RAB6A: variants seen among roughly 807,000 people sequenced by gnomAD.
The protein encoded by RAB6A is RAB6A, member RAS oncogene family, also known as ras-related protein Rab-6A.
Under a neutral mutation model 32.3 loss-of-function variants are expected in RAB6A, and 8 were observed. The observed-to-expected ratio is 0.25, with a 90% CI of 0.15 to 0.45. The LOEUF (loss-of-function observed/expected upper bound fraction) is 0.45, where lower values mean the gene tolerates loss of function less well. Ranked by LOEUF, RAB6A falls within the 20% of genes least tolerant of loss-of-function variation. The pLI is 1.00. For synonymous variants in RAB6A, 73 were observed against 82.1 expected (o/e 0.89, Z 0.60); for missense variants, 104 against 249.4 (o/e 0.42, Z 3.93).
chr11:73,678,939 T>C (rs1945311874), intron 7 of RAB6A, among the ~76,000 whole-genome samples: 1 of 152,130 alleles, frequency 6.6e-6, no homozygotes, highest in African/African-American at 2.4e-5. Context: ...TTGGTCAGGC[T>C]GGTCTTGAAC....
chr11:73,739,284 A>AAAAAAAAAATATAT (rs1208877325), intron 1 of RAB6A, among the ~76,000 whole-genome samples: 2 of 6,756 alleles, frequency 3.0e-4, no homozygotes, highest in African/African-American at 6.5e-4. Context: ...AAAAAAAAAA[A>AAAAAAAAAATATAT]ATATATATAT....
chr11:73,721,064 G>T (rs1946127326), intron 2 of RAB6A, among the ~76,000 whole-genome samples, 165 bp from the exon 3 acceptor site: 1 of 152,162 alleles, frequency 6.6e-6, no homozygotes, highest in African/African-American at 2.4e-5. Context: ...CAGTGATAAT[G>T]ATTTTCATGT....
At chr11:73,724,120 G>A (rs1308698390) in intron 2 of RAB6A, among the ~76,000 whole-genome samples, 2 of 152,090 alleles carry the variant, frequency 1.3e-5, no homozygotes, top group Non-Finnish European at 2.9e-5. Context: ...TGGGATTACT[G>A]CATATAGGCT....
chr11:73,749,989 T>A (rs970865763), intron 1 of RAB6A, among the ~76,000 whole-genome samples: 17 of 152,206 alleles, frequency 1.1e-4, no homozygotes, highest in African/African-American at 3.9e-4. Context: ...AGTGAGATCT[T>A]ACCTCTAATT....
At chr11:73,737,344 G>C (rs551965501) in intron 1 of RAB6A, among the ~76,000 whole-genome samples, 1 of 152,126 alleles carries the variant, frequency 6.6e-6, no homozygotes, top group Admixed American at 6.5e-5. Context: ...ATTTACTAGA[G>C]TGTGGTGGCA....
In RAB6A at chr11:73,697,335, C is replaced by CT. The variant is rs777991682; in HGVS notation, c.495+10084dup. Among the ~76,000 whole-genome samples, 361 of 151,226 alleles carry CT rather than the reference C, an allele frequency of 2.4e-3. 1 individual carries two copies. The highest frequency in any genetic ancestry group is 6.8e-3 in the Middle Eastern group (2 of 294). On this transcript the variant is annotated intron_variant, in intron 6 of 7. Transcript: ENST00000336083. ...TACTTTATTTTTCTGTTTTTCTTTT[C>CT]TTTTTTTTTCTTTTTGAAACAGTCT...
chr11:73,744,751 CAGGTCATG>C (rs1431634709), intron 1 of RAB6A, among the ~76,000 whole-genome samples: 1 of 151,980 alleles, frequency 6.6e-6, no homozygotes, highest in Non-Finnish European at 1.5e-5. Context: ...CCGAGGCGGG[CAGGTCATG>C]AGGTCAAGAG....
chr11:73,692,598 A>C (rs992355121), intron 6 of RAB6A, among the ~76,000 whole-genome samples: 2 of 151,306 alleles, frequency 1.3e-5, no homozygotes, highest in African/African-American at 4.9e-5. Flanking sequence ...ACTTACATGC[A>C]TAAGAGGGTT....
intron 1 of RAB6A, among the ~76,000 whole-genome samples, chr11:73,736,020 A>G (rs1179190717): frequency 6.6e-6 from 1 of 151,076 alleles, no homozygotes; most frequent in African/African-American, 2.4e-5. Flanking sequence ...GTGCAGTGGC[A>G]TGATCGTGGC....
chr11:73,691,505 T>C (rs973520930), intron 6 of RAB6A, among the ~76,000 whole-genome samples: 14 of 152,200 alleles, frequency 9.2e-5, no homozygotes, highest in African/African-American at 3.1e-4. Context: ...ACTGCACTGA[T>C]TGTAATAGCC....
intron 2 of RAB6A, among the ~76,000 whole-genome samples, chr11:73,723,134 G>T (rs1295717715): frequency 1.3e-5 from 2 of 151,964 alleles, no homozygotes; most frequent in Non-Finnish European, 2.9e-5. Flanking sequence ...TATTAAGCAC[G>T]TACTTGCAAG....
intron 6 of RAB6A, among the ~76,000 whole-genome samples, chr11:73,688,987 G>A (rs1311831869): frequency 8.5e-5 from 13 of 152,126 alleles, no homozygotes; most frequent in Admixed American, 7.9e-4. Context: ...GCCAGGTGTG[G>A]TGGTAGGCTC....
chr11:73,741,647 T>C lies in RAB6A; in HGVS notation c.71-10824A>G, dbSNP rs1313858986. 4.6e-5 allele frequency among the ~76,000 whole-genome samples: 7 copies of C among 152,206 alleles called. No individual in the cohort carries two copies. In the East Asian group the frequency reaches 1.2e-3, roughly 25 times the overall value. On this transcript the variant is annotated intron_variant, in intron 1 of 7. Coordinates refer to ENST00000336083, the MANE Select transcript of RAB6A (RefSeq NM_198896.2). ...GAATGGATACACAAACTGTGGTATA[T>C]CCACACAATTGAGTATTATTCAGCA...
chr11:73,750,322 T>C (rs1195916237), intron 1 of RAB6A, among the ~76,000 whole-genome samples: 1 of 152,118 alleles, frequency 6.6e-6, no homozygotes, highest in East Asian at 1.9e-4. Context: ...TTCATCCACA[T>C]TGTAGCATGT....
Position 73,747,044 on chromosome 11 carries a change from G to A in RAB6A, c.70+13522C>T, listed in dbSNP as rs116054857. Among the ~76,000 whole-genome samples the A allele has an allele frequency of 5.6e-3, 795 of 142,276 alleles. 7 individuals carry two copies. The highest frequency in any genetic ancestry group is 0.019 in the African/African-American group (725 of 38,098). 93.3% of individuals were successfully genotyped at this position (142,276 alleles called of 152,430 possible). On this transcript the variant is annotated intron_variant, in intron 1 of 7. Transcript: ENST00000336083. The stretch of plus-strand genomic sequence containing the variant: ...TCCACCTCCCGGGTTCAAGCGTTTC[G>A]GCCTCCCAAAGTGCTGGGATTACAG...
intron 6 of RAB6A, among the ~76,000 whole-genome samples, chr11:73,683,102 T>G (rs2134866266): frequency 6.6e-6 from 1 of 151,702 alleles, no homozygotes; most frequent in South Asian, 2.1e-4. Context: ...AATCTATTTA[T>G]TATCACAAAT....
At chr11:73,703,900 T>C (rs145528726) in intron 6 of RAB6A, among the ~76,000 whole-genome samples, 6,500 of 151,658 alleles carry the variant, frequency 0.043, 178 homozygotes, top group Middle Eastern at 0.1. Flanking sequence ...CGTGGTGGCA[T>C]GCGCCTGTAG....
rs1393496722 is a variant in RAB6A at position 73,675,707 on chromosome 11, A to G, written c.*2191T>C. On this transcript the variant is annotated 3_prime_UTR_variant, in exon 8 of 8. Transcript: ENST00000336083. Reference sequence around the variant, plus strand: ...TGTGTTTATTAAAAAAAAAACCTGGACTATGAACACACTTCAATGCTTTGA... The same window carrying G: ...TGTGTTTATTAAAAAAAAAACCTGGGCTATGAACACACTTCAATGCTTTGA... The G allele has an allele frequency of 6.3e-6, 1 of 157,966 alleles. No homozygotes were observed. Among genetic ancestry groups the G allele is most frequent in the Admixed American group, 6.5e-5 (1 of 15,294 alleles). The allele number at this position is 157,966 out of a possible 1,614,324, so 9.8% of individuals were successfully genotyped here. A position where few individuals can be genotyped will look rare whatever the true frequency, so the allele number is the denominator to read the frequency against.
At chr11:73,691,295 C>T (rs1184943746) in intron 6 of RAB6A, among the ~76,000 whole-genome samples, 2 of 152,182 alleles carry the variant, frequency 1.3e-5, no homozygotes, top group African/African-American at 4.8e-5. Flanking sequence ...CTTTTGCTTT[C>T]TCCTGGGGTC....
Sources: allele counts gnomAD v4.1 joint callset (sites outside exome capture counted in the v4.1 genomes callset), GRCh38; gene constraint gnomAD v4.1.1; transcripts MANE v1.5; gene names NCBI Gene and HGNC (gene_info 2026-07-23, HGNC 2026-07-21).